METTL6: variants seen among roughly 807,000 people sequenced by gnomAD.
METTL6 encodes the protein methyltransferase 6, tRNA N3-cytidine.
Under a neutral mutation model 26.4 loss-of-function variants are expected in METTL6, and 22 were observed. The ratio of observed to expected loss-of-function variants is 0.83; its 90% CI spans 0.59 to 1.19. The LOEUF (loss-of-function observed/expected upper bound fraction) is 1.19. Among genes scored for constraint, METTL6 ranks in the 50% most tolerant of loss-of-function variants. METTL6 has a pLI of 0.00. For missense variants in METTL6, 304 were observed against 324.8 expected, an observed-to-expected ratio of 0.94 and a Z score of 0.49; for synonymous variants, 109 against 116.2, an observed-to-expected ratio of 0.94 and a Z score of 0.40.
downstream of METTL6, among the ~76,000 whole-genome samples, chr3:15,406,607 T>C (rs1221143359): frequency 2.7e-5 from 2 of 73,236 alleles, no homozygotes; most frequent in African/African-American, 5.4e-5. Context: ...TATATATATA[T>C]ATATATATAT....
chr3:15,401,485 T>C (rs990519214), intron 6 of METTL6, among the ~76,000 whole-genome samples: 3 of 141,208 alleles, frequency 2.1e-5, no homozygotes, highest in Non-Finnish European at 4.5e-5. Context: ...AGTTTTACAA[T>C]GTTATGTACA....
At chr3:15,386,804 T>TC (rs1408358263) in intron 6 of METTL6, among the ~76,000 whole-genome samples, 2 of 152,102 alleles carry the variant, frequency 1.3e-5, no homozygotes, top group African/African-American at 4.8e-5. Flanking sequence ...CTTTTCTTTT[T>TC]TTTTTTGAGA....
At chr3:15,395,592 T>C (rs1188402668) in intron 6 of METTL6, among the ~76,000 whole-genome samples, 1 of 152,290 alleles carries the variant, frequency 6.6e-6, no homozygotes. Context: ...TTCTTCCTAG[T>C]CTCGATGGTC....
At chr3:15,396,980 C>T (rs1006026702) in intron 6 of METTL6, among the ~76,000 whole-genome samples, 6 of 152,174 alleles carry the variant, frequency 3.9e-5, no homozygotes, top group South Asian at 2.1e-4. Context: ...TCTCCAGCTG[C>T]GTGCTGGAAG....
intron 3 of METTL6, among the ~76,000 whole-genome samples, chr3:15,417,815 C>T (rs1482804905): frequency 6.6e-6 from 1 of 152,086 alleles, no homozygotes; most frequent in Non-Finnish European, 1.5e-5. Flanking sequence ...GACACAGGCC[C>T]ACGGTACCAG....
intron 6 of METTL6, among the ~76,000 whole-genome samples, chr3:15,399,202 G>GCC (rs370244964): frequency 8.0e-6 from 1 of 125,590 alleles, no homozygotes; most frequent in Non-Finnish European, 1.7e-5. Context: ...TCCTTCCCCT[G>GCC]CCCCCCCAAC....
exon 7 of METTL6, chr3:15,383,943 A>T (rs765817473): frequency 4.0e-5 from 9 of 225,336 alleles, no homozygotes; most frequent in Non-Finnish European, 7.1e-5. Flanking sequence ...CAGTAAGAAG[A>T]AGTTAGAACC....
intron 3 of METTL6, among the ~76,000 whole-genome samples, chr3:15,420,718 A>G (rs4496458): frequency 6.6e-6 from 1 of 152,218 alleles, no homozygotes; most frequent in Admixed American, 6.5e-5. Context: ...TTGACAGCGT[A>G]TGACCAACGT....
At chr3:15,420,386 G>A (rs1394673662) in intron 3 of METTL6, among the ~76,000 whole-genome samples, 1 of 152,142 alleles carries the variant, frequency 6.6e-6, no homozygotes, top group Admixed American at 6.5e-5. Context: ...GTTTAGAAGT[G>A]CACAAAGTAT....
intron 2 of METTL6, 123 bp from the exon 3 acceptor site, chr3:15,425,212 C>A: frequency 3.9e-6 from 4 of 1,023,474 alleles, no homozygotes; most frequent in Non-Finnish European, 5.7e-6. Context: ...AACAAGAGAA[C>A]TAATAAGCAA....
intron 6 of METTL6, among the ~76,000 whole-genome samples, chr3:15,391,699 C>T (rs1699353243): frequency 7.7e-6 from 1 of 129,596 alleles, no homozygotes; most frequent in African/African-American, 2.9e-5. Context: ...CTTCCTGTGT[C>T]CATGTGTTCT....
chr3:15,389,849 A>ATTT lies in METTL6; in HGVS notation c.*12-5665_*12-5663dup, dbSNP rs58728599. Among the ~76,000 whole-genome samples, 142 of 132,958 alleles carry ATTT rather than the reference A, an allele frequency of 1.1e-3. 1 individual carries two copies. The highest frequency in any genetic ancestry group is 3.9e-3 in the Admixed American group (51 of 12,998). The allele number at this position is 132,958 out of a possible 152,430, so 87.2% of individuals were successfully genotyped here. On this transcript the variant is annotated intron_variant, in intron 6 of 6. Transcript: ENST00000443029. ...AGGCATACGCCACCGCGCCCGGCCAATTTTTTTTTTTTTTTTTTTTTAAAG... is the reference window on the plus strand; with the variant it reads ...AGGCATACGCCACCGCGCCCGGCCAATTTTTTTTTTTTTTTTTTTTTTTTAAAG...
intron 6 of METTL6, among the ~76,000 whole-genome samples, chr3:15,402,920 TTTCA>T: frequency 6.6e-6 from 1 of 152,292 alleles, no homozygotes; most frequent in African/African-American, 2.4e-5. Flanking sequence ...AGAGGGTTTA[TTTCA>T]GGAAAGAGCT....
chr3:15,393,172 T>C (rs539145337), intron 6 of METTL6, among the ~76,000 whole-genome samples: 22 of 152,352 alleles, frequency 1.4e-4, no homozygotes, highest in Non-Finnish European at 2.6e-4. Flanking sequence ...TTCTATTACA[T>C]TGAGCAGTGG....
upstream of METTL6, chr3:15,427,583 T>G: frequency 1.7e-6 from 1 of 582,610 alleles, no homozygotes; most frequent in South Asian, 2.0e-5. Context: ...CCCACGGCCT[T>G]GCCTCCTCAG....
At chr3:15,405,573 AT>A (rs1341555284), downstream of METTL6, among the ~76,000 whole-genome samples, 1 of 152,222 alleles carries the variant, frequency 6.6e-6, no homozygotes, top group Non-Finnish European at 1.5e-5. Context: ...TATGTAACTA[AT>A]TAAGATGGGA....
chr3:15,384,178 T>A, exon 7 of METTL6: 1 of 379,032 alleles, frequency 2.6e-6, no homozygotes, highest in South Asian at 1.8e-5. Flanking sequence ...TCCAGACTTT[T>A]GTTTGAGACC....
At chr3:15,424,173 T>G (rs994766130) in intron 3 of METTL6, among the ~76,000 whole-genome samples, 1 of 152,208 alleles carries the variant, frequency 6.6e-6, no homozygotes, top group East Asian at 1.9e-4. Flanking sequence ...AGAACCCATC[T>G]CTAAAAAAAG....
rs960879092 is a variant in METTL6 at position 15,410,168 on chromosome 3, A to C, written c.*1088T>G. Among the ~76,000 whole-genome samples the C allele has an allele frequency of 3.9e-4, 59 of 152,056 alleles. No homozygotes were observed. Among genetic ancestry groups the C allele is most frequent in the African/African-American group, 1.4e-3 (58 of 41,410 alleles). On this transcript the variant is annotated 3_prime_UTR_variant, in exon 6 of 6. Coordinates refer to ENST00000383790, the MANE Select transcript of METTL6 (RefSeq NM_152396.4). ...ACACACATACACTTCCTATTTTTTA[A>C]TACAAAAAGTACATAGTAGCCCCCC...
Sources: gnomAD v4.1 joint callset for allele counts (sites outside exome capture counted in the v4.1 genomes callset) on GRCh38, gnomAD v4.1.1 for gene constraint, MANE v1.5 for transcripts, NCBI Gene and HGNC (gene_info 2026-07-23, HGNC 2026-07-21) for gene names.